FTO: variants seen among roughly 807,000 people sequenced by gnomAD.
FTO encodes FTO alpha-ketoglutarate dependent dioxygenase, also known as alpha-ketoglutarate-dependent dioxygenase FTO.
Under a neutral mutation model 63.9 loss-of-function variants are expected in FTO, and 47 were observed. That is an observed-to-expected ratio of 0.74 (90% CI 0.58 to 0.94). FTO has a LOEUF of 0.94. FTO is among the 40% of genes least tolerant of loss of function. FTO has a pLI of 0.00. For missense variants in FTO, 562 were observed against 618.1 expected, an observed-to-expected ratio of 0.91 and a Z score of 0.96; for synonymous variants, 207 against 224.4, an observed-to-expected ratio of 0.92 and a Z score of 0.69.
At chr16:53,778,957 G>A (rs1598635045) in intron 1 of FTO, among the ~76,000 whole-genome samples, 1 of 151,408 alleles carries the variant, frequency 6.6e-6, no homozygotes, top group African/African-American at 2.4e-5. Flanking sequence ...GAAGGTAATA[G>A]GACCTCCTAT....
chr16:53,820,456 G>A (rs553726184), intron 2 of FTO, among the ~76,000 whole-genome samples: 1 of 152,052 alleles, frequency 6.6e-6, no homozygotes, highest in East Asian at 1.9e-4. Context: ...ACCTATTTGA[G>A]GGTGGAGATT....
At chr16:53,862,848 A>G (rs2080215032) in intron 4 of FTO, among the ~76,000 whole-genome samples, 1 of 151,954 alleles carries the variant, frequency 6.6e-6, no homozygotes, top group South Asian at 2.1e-4. Context: ...CCCAGCCTGT[A>G]TTTTACTTCC....
At chr16:54,092,654 C>A (rs748366070) in intron 8 of FTO, among the ~76,000 whole-genome samples, 1 of 152,216 alleles carries the variant, frequency 6.6e-6, no homozygotes, top group Non-Finnish European at 1.5e-5. Flanking sequence ...CCCCAAAAGA[C>A]CTTTCTCCTG....
intron 8 of FTO, among the ~76,000 whole-genome samples, chr16:54,048,949 G>A (rs2085250210): frequency 6.6e-6 from 1 of 152,160 alleles, no homozygotes; most frequent in Non-Finnish European, 1.5e-5. Context: ...CTACACGGTT[G>A]AAGGACCATG....
chr16:53,921,598 A>C (rs2082008453), intron 7 of FTO, among the ~76,000 whole-genome samples: 1 of 152,114 alleles, frequency 6.6e-6, no homozygotes, highest in Non-Finnish European at 1.5e-5. Flanking sequence ...TTATAAAGTT[A>C]ATAGTTTTTG....
At chr16:54,081,107 C>T (rs2086129445) in intron 8 of FTO, among the ~76,000 whole-genome samples, 1 of 151,972 alleles carries the variant, frequency 6.6e-6, no homozygotes, top group Non-Finnish European at 1.5e-5. Flanking sequence ...GACCTGGAAT[C>T]GCATCAATAT....
intron 1 of FTO, among the ~76,000 whole-genome samples, chr16:53,718,441 G>T (rs185419001): frequency 6.6e-6 from 1 of 151,950 alleles, no homozygotes; most frequent in Non-Finnish European, 1.5e-5. Context: ...GGATATTTAC[G>T]AGGTTGATAA....
intron 1 of FTO, among the ~76,000 whole-genome samples, chr16:53,714,815 A>C (rs1207419633): frequency 6.6e-6 from 1 of 152,126 alleles, no homozygotes; most frequent in Non-Finnish European, 1.5e-5. Flanking sequence ...GCATATGCAG[A>C]CTGCAAGGGA....
upstream of FTO, chr16:53,704,153 C>T (rs983878664): frequency 6.4e-7 from 1 of 1,550,954 alleles, no homozygotes; most frequent in African/African-American, 1.4e-5. Context: ...ATCTACGCAG[C>T]TTGCGGTGGC....
intron 1 of FTO, among the ~76,000 whole-genome samples, chr16:53,776,297 A>G (rs1043155191): frequency 6.6e-6 from 1 of 152,186 alleles, no homozygotes; most frequent in African/African-American, 2.4e-5. Flanking sequence ...GTTTCTTGCC[A>G]GCGAGGAGGA....
chr16:53,875,443 T>C (rs975094873), intron 5 of FTO, among the ~76,000 whole-genome samples: 3 of 152,222 alleles, frequency 2.0e-5, no homozygotes, highest in African/African-American at 7.2e-5. Context: ...TTAATACATG[T>C]AAGTCTTTTT....
intron 3 of FTO, among the ~76,000 whole-genome samples, chr16:53,841,255 C>T (rs1237951729): frequency 2.0e-5 from 3 of 151,000 alleles, no homozygotes; most frequent in Non-Finnish European, 4.4e-5. Flanking sequence ...CAGTCATGTC[C>T]CCTGATATAA....
intron 8 of FTO, among the ~76,000 whole-genome samples, chr16:53,990,067 G>A (rs1472337820): frequency 6.6e-6 from 1 of 152,076 alleles, no homozygotes; most frequent in East Asian, 1.9e-4. Flanking sequence ...CAGTAAGGCT[G>A]CCGGTCAACA....
chr16:53,748,868 A>T (rs1053870460), intron 1 of FTO, among the ~76,000 whole-genome samples: 1 of 152,058 alleles, frequency 6.6e-6, no homozygotes, highest in East Asian at 1.9e-4. Context: ...AGTTCCAGCA[A>T]TTCTCCAGCC....
chr16:53,713,261 C>A (rs1200804542), intron 1 of FTO, among the ~76,000 whole-genome samples: 1 of 152,132 alleles, frequency 6.6e-6, no homozygotes, highest in Non-Finnish European at 1.5e-5. Context: ...CAAGTGTTCT[C>A]TTCCAATTTT....
At chr16:53,903,256 G>GTT (rs10566001) in intron 7 of FTO, among the ~76,000 whole-genome samples, 68 of 142,630 alleles carry the variant, frequency 4.8e-4, no homozygotes, top group African/African-American at 7.4e-4. Flanking sequence ...GGATATTCTA[G>GTT]TTTTTTTTTT....
intron 8 of FTO, among the ~76,000 whole-genome samples, chr16:53,986,981 T>G (rs2083681664): frequency 6.6e-6 from 1 of 152,218 alleles, no homozygotes; most frequent in Admixed American, 6.5e-5. Context: ...TTTAGCAATT[T>G]AAATGAAAAT....
At chr16:54,036,686 G>A (rs2084947368) in intron 8 of FTO, among the ~76,000 whole-genome samples, 1 of 152,180 alleles carries the variant, frequency 6.6e-6, no homozygotes, top group Non-Finnish European at 1.5e-5. Flanking sequence ...GTATATTTCT[G>A]TGTCATTTGG....
At chr16:53,864,439 A>G (rs1427322627) in intron 4 of FTO, among the ~76,000 whole-genome samples, 2 of 152,182 alleles carry the variant, frequency 1.3e-5, no homozygotes, top group East Asian at 3.9e-4. Flanking sequence ...TAAAACCAGG[A>G]AAGTCGTGAA....
Sources: gnomAD v4.1 joint callset for allele counts (sites outside exome capture counted in the v4.1 genomes callset) on GRCh38, gnomAD v4.1.1 for gene constraint, MANE v1.5 for transcripts, NCBI Gene and HGNC (gene_info 2026-07-23, HGNC 2026-07-21) for gene names.